Variants in CDC26 observed in about 807,000 individuals in gnomAD.
CDC26 encodes anaphase-promoting complex subunit CDC26.
In CDC26, 2 loss-of-function variants were observed where a neutral mutation model predicts 8.0. The ratio of observed to expected loss-of-function variants is 0.25; its 90% CI spans 0.10 to 0.79. CDC26 has a LOEUF of 0.79. CDC26 is among the 30% of genes least tolerant of loss of function. The pLI, the probability that CDC26 is intolerant of heterozygous loss-of-function variation, is 0.70. For synonymous variants in CDC26, 19 were observed against 34.9 expected, an observed-to-expected ratio of 0.55 and a Z score of 1.60; for missense variants, 68 against 106.0, an observed-to-expected ratio of 0.64 and a Z score of 1.57.
chr9:113,267,563 CTG>C, intron 3 of CDC26, 124 bp from the exon 4 acceptor site: 1 of 1,272,090 alleles, frequency 7.9e-7, no homozygotes, highest in Non-Finnish European at 1.1e-6. Flanking sequence ...GAACAATAAA[CTG>C]AAATCCTAGG....
At position 113,272,520 on chromosome 9, in the gene CDC26, A is replaced by C. The variant is rs1182050513; in HGVS notation, c.-13T>G. The stretch of plus-strand genomic sequence containing the variant: ...TCCGTCTCAGCATACTGAAGTCAAC[A>C]CTAAGGGCCAAACCCAGTGAACTAT... On this transcript the variant is annotated 5_prime_UTR_variant, in exon 3 of 4. Transcript: ENST00000374206. 1 of 1,584,048 alleles carries C rather than the reference A, an allele frequency of 6.3e-7. No homozygotes were observed. Among genetic ancestry groups the C allele is most frequent in the Non-Finnish European group, 8.7e-7 (1 of 1,152,634 alleles).
intron 3 of CDC26, among the ~76,000 whole-genome samples, chr9:113,268,569 A>C (rs1831902087): frequency 6.6e-6 from 1 of 152,222 alleles, no homozygotes; most frequent in African/African-American, 2.4e-5. Context: ...TACTCAAATC[A>C]CTGGAATTAC....
chr9:113,270,779 A>G (rs1381868595), intron 3 of CDC26, among the ~76,000 whole-genome samples: 1 of 152,228 alleles, frequency 6.6e-6, no homozygotes, highest in African/African-American at 2.4e-5. Context: ...ATGGCACAAA[A>G]TGAATCTGGA....
intron 1 of CDC26, among the ~76,000 whole-genome samples, chr9:113,273,821 CAA>C (rs149642304): frequency 3.0e-3 from 162 of 53,208 alleles, no homozygotes; most frequent in South Asian, 3.5e-3. Context: ...GACCCCAACT[CAA>C]AAAAAAAAAA....
intron 3 of CDC26, among the ~76,000 whole-genome samples, chr9:113,272,172 C>G (rs1831968283): frequency 6.6e-6 from 1 of 152,184 alleles, no homozygotes; most frequent in African/African-American, 2.4e-5. Flanking sequence ...AATCCCAGCA[C>G]TTTGGGAGGC....
intron 3 of CDC26, among the ~76,000 whole-genome samples, chr9:113,270,520 T>C (rs535148756): frequency 1.3e-5 from 2 of 152,044 alleles, no homozygotes; most frequent in East Asian, 3.9e-4. Context: ...ATGAAAAAAA[T>C]ATGGTGCTTT....
intron 3 of CDC26, 133 bp from the exon 4 acceptor site, chr9:113,267,572 T>C: frequency 8.2e-7 from 1 of 1,218,296 alleles, no homozygotes; most frequent in Non-Finnish European, 1.1e-6. Context: ...ACTGAAATCC[T>C]AGGTTTGGAG....
rs1192913736 is a variant in CDC26 at position 113,267,438 on chromosome 9, G to A, written c.83C>T (p.Thr28Ile). ...EFENIRKDLE[T>I]RKKQKEDVEV... is the part of the protein sequence containing the mutation. ...CACATCTTCCTTCTGTTTCTTACGG[G>A]TCTGAAAGTATAAAAGTTTTAGGAT... The change falls in exon 4 of 4, where the codon ACC (threonine) becomes ATC (isoleucine). Residue 28 changes from threonine (T) to isoleucine (I), a missense_variant and splice_region_variant. Coordinates refer to ENST00000374206, the MANE Select transcript of CDC26 (RefSeq NM_139286.4). The A allele has an allele frequency of 1.9e-6, 3 of 1,597,426 alleles. No individual in the cohort carries two copies. In the Admixed American group the frequency reaches 5.4e-5, roughly 29 times the overall value.
At chr9:113,272,890 C>T (rs1193069989) in intron 2 of CDC26, among the ~76,000 whole-genome samples, 3 of 152,098 alleles carry the variant, frequency 2.0e-5, no homozygotes, top group Non-Finnish European at 4.4e-5. Context: ...TGGGATCTCT[C>T]TCTGATGCCC....
At position 113,267,360 on chromosome 9, in the gene CDC26, G is replaced by A. The variant is rs771907668; in HGVS notation, c.161C>T (p.Pro54Leu). Residue 54 changes from proline to leucine, a missense_variant, in exon 4 of 4, where the codon CCC becomes CTC. Pro to Leu is a moderately conservative substitution (Grantham distance 98). Transcript: ENST00000374206. The stretch of plus-strand genomic sequence containing the variant: ...ATTGATCATTTGTTCCCGGCTCTTG[G>A]GATCACTGCTAAGCCCAATGGCTCC... ...GEGAIGLSSD[P>L]KSREQMINDR... 35 of 1,599,896 alleles carry A rather than the reference G, an allele frequency of 2.2e-5. No individual in the cohort carries two copies. Among genetic ancestry groups the A allele is most frequent in the Non-Finnish European group, 2.9e-5 (34 of 1,174,686 alleles).
At chr9:113,268,457 A>G (rs913954299) in intron 3 of CDC26, among the ~76,000 whole-genome samples, 14 of 152,242 alleles carry the variant, frequency 9.2e-5, no homozygotes, top group African/African-American at 2.9e-4. Context: ...CACTTATCCC[A>G]TAACAGCCAC....
intron 3 of CDC26, among the ~76,000 whole-genome samples, chr9:113,269,077 C>T (rs771792209): frequency 9.9e-5 from 15 of 152,076 alleles, no homozygotes; most frequent in Non-Finnish European, 1.9e-4. Context: ...AAAAATTAGC[C>T]AGGCATGGTG....
At chr9:113,268,609 G>C (rs1831902483) in intron 3 of CDC26, among the ~76,000 whole-genome samples, 1 of 152,202 alleles carries the variant, frequency 6.6e-6, no homozygotes, top group Non-Finnish European at 1.5e-5. Flanking sequence ...CTGCTGAACT[G>C]TGGGCATTTA....
chr9:113,270,603 C>A (rs1209888550), intron 3 of CDC26, among the ~76,000 whole-genome samples: 1 of 152,108 alleles, frequency 6.6e-6, no homozygotes, highest in African/African-American at 2.4e-5. Context: ...CAAAAGTGGC[C>A]TCTTAAATTG....
intron 3 of CDC26, among the ~76,000 whole-genome samples, chr9:113,268,757 A>C (rs1034961888): frequency 4.0e-5 from 6 of 150,952 alleles, no homozygotes; most frequent in African/African-American, 1.2e-4. Context: ...CTGTCTCCAC[A>C]ATTTTTTTTT....
chr9:113,271,504 G>A (rs576285590), intron 3 of CDC26, among the ~76,000 whole-genome samples: 140 of 152,248 alleles, frequency 9.2e-4, no homozygotes, highest in Non-Finnish European at 1.7e-3. Flanking sequence ...GGCAGAGACT[G>A]GAGTGATACA....
chr9:113,275,347 G>C (rs1564236729), intron 1 of CDC26, 35 bp downstream of exon 1: 1 of 182,004 alleles, frequency 5.5e-6, no homozygotes, highest in Non-Finnish European at 1.2e-5. Context: ...TCGCTCCAGA[G>C]TTCAGCCCCG....
chr9:113,272,690 T>TA, intron 2 of CDC26, 142 bp from the exon 3 acceptor site: 5 of 481,218 alleles, frequency 1.0e-5, no homozygotes, highest in East Asian at 3.9e-5. Context: ...ACTTCTAAAG[T>TA]CTTTTTTTTT....
Position 113,275,483 on chromosome 9 carries a change from T to G in CDC26, c.-253A>C, listed in dbSNP as rs1832052919. 2.1e-6 allele frequency: 1 copy of G among 478,396 alleles called. No individual in the cohort carries two copies. The highest frequency in any genetic ancestry group is 2.0e-5 in the African/African-American group (1 of 49,616). The allele number at this position is 478,396 out of a possible 1,614,324, so 29.6% of individuals were successfully genotyped here. ...TACACTTCCCAGACTGCTTGGAGCC[T>G]CTCTCTCCGCAGAACCTCGTCTTCC... is the stretch of plus-strand genomic sequence containing the variant. On this transcript the variant is annotated 5_prime_UTR_variant, in exon 1 of 4. Coordinates refer to ENST00000374206, the MANE Select transcript of CDC26 (RefSeq NM_139286.4).
Sources: gnomAD v4.1 joint callset for allele counts (sites outside exome capture counted in the v4.1 genomes callset) on GRCh38, gnomAD v4.1.1 for gene constraint, MANE v1.5 for transcripts, NCBI Gene and HGNC (gene_info 2026-07-23, HGNC 2026-07-21) for gene names.